The following AFAP1 variants were observed in gnomAD, a reference collection of about 807,000 sequenced individuals.
AFAP1 encodes the protein actin filament associated protein 1.
In AFAP1, 75 loss-of-function variants were observed where a neutral mutation model predicts 93.9. That is an observed-to-expected ratio of 0.80 (90% CI 0.66 to 0.97). The LOEUF is 0.97. AFAP1 is among the 50% of genes least tolerant of loss of function. The probability of loss-of-function intolerance (pLI) is 0.00; values close to 1 mark genes in which losing one functional copy is unlikely to be tolerated. For synonymous variants in AFAP1, 517 were observed against 430.7 expected (o/e 1.20, Z -2.48); for missense variants, 1,201 against 1,050.8 (o/e 1.14, Z -1.98).
At chr4:7,920,316 T>C in intron 1 of AFAP1, among the ~76,000 whole-genome samples, 1 of 152,224 alleles carries the variant, frequency 6.6e-6, no homozygotes, top group Non-Finnish European at 1.5e-5. Flanking sequence ...ATCATAAATA[T>C]ATTTATATAC....
intron 6 of AFAP1, among the ~76,000 whole-genome samples, chr4:7,821,177 T>C (rs1720942531): frequency 6.6e-6 from 1 of 152,194 alleles, no homozygotes; most frequent in South Asian, 2.1e-4. Context: ...GGAAAGTATT[T>C]AATCTCTCAG....
rs200920302 is a variant in AFAP1 at position 7,829,793 on chromosome 4, GGA to G, written c.726+8729_726+8730del. 3.7e-4 allele frequency among the ~76,000 whole-genome samples: 56 copies of G among 152,258 alleles called. 1 individual carries two copies. The East Asian group carries it at 9.1e-3, about 25-fold the overall frequency. ...GGAGGGAAAATTGGTAAACCTCCTA[GGA>G]GAGTGCCTTAGCTATACATCAAAAT... On this transcript the variant is annotated intron_variant, in intron 6 of 17. Coordinates refer to ENST00000420658, the MANE Select transcript of AFAP1 (RefSeq NM_001134647.2).
intron 6 of AFAP1, among the ~76,000 whole-genome samples, chr4:7,819,552 C>T (rs1720782649): frequency 6.6e-6 from 1 of 152,002 alleles, no homozygotes; most frequent in Non-Finnish European, 1.5e-5. Context: ...ATCAAGAGAC[C>T]AGGGGGCCTT....
chr4:7,924,415 C>G (rs773209608), intron 1 of AFAP1, among the ~76,000 whole-genome samples: 9 of 152,166 alleles, frequency 5.9e-5, no homozygotes, highest in Non-Finnish European at 1.2e-4. Context: ...GGACGATGAG[C>G]CAGCGGTGGA....
intron 3 of AFAP1, among the ~76,000 whole-genome samples, chr4:7,866,917 C>T (rs1456356238): frequency 1.3e-5 from 2 of 151,020 alleles, no homozygotes; most frequent in East Asian, 3.9e-4. Flanking sequence ...CTCACACCTG[C>T]AATCCCAGCT....
intron 3 of AFAP1, among the ~76,000 whole-genome samples, chr4:7,861,302 A>C (rs553071704): frequency 1.3e-5 from 2 of 152,322 alleles, no homozygotes; most frequent in East Asian, 1.9e-4. Context: ...GCCATCATCT[A>C]AACTTCCTGT....
chr4:7,799,144 G>A (rs950185713), intron 10 of AFAP1: 31 of 952,144 alleles, frequency 3.3e-5, no homozygotes, highest in South Asian at 4.8e-5. Context: ...AGCTTTGGCC[G>A]TGGTCAGGGT....
chr4:7,810,197 C>G (rs930472539), intron 8 of AFAP1, among the ~76,000 whole-genome samples: 3 of 152,194 alleles, frequency 2.0e-5, no homozygotes, highest in African/African-American at 4.8e-5. Context: ...GCACTTGCTA[C>G]GTGCTGGCTG....
chr4:7,928,142 C>T (rs1720871617), intron 1 of AFAP1, among the ~76,000 whole-genome samples: 2 of 152,294 alleles, frequency 1.3e-5, no homozygotes, highest in African/African-American at 4.8e-5. Flanking sequence ...GCAATGCATT[C>T]TTCAACCGGT....
intron 6 of AFAP1, among the ~76,000 whole-genome samples, chr4:7,825,260 A>C (rs1337628393): frequency 6.6e-6 from 1 of 151,980 alleles, no homozygotes; most frequent in Non-Finnish European, 1.5e-5. Flanking sequence ...ATGCTTCCCG[A>C]CTCTCACCCA....
intron 1 of AFAP1, among the ~76,000 whole-genome samples, chr4:7,884,499 G>C (rs1313551146): frequency 1.4e-5 from 2 of 139,138 alleles, no homozygotes; most frequent in Non-Finnish European, 3.4e-5. Context: ...AAAACCATTT[G>C]ATACTAACAT....
intron 1 of AFAP1, among the ~76,000 whole-genome samples, chr4:7,907,958 T>C (rs1052342507): frequency 6.6e-6 from 1 of 152,120 alleles, no homozygotes; most frequent in Non-Finnish European, 1.5e-5. Flanking sequence ...ACGCCTATAA[T>C]CCCAGAACTC....
intron 1 of AFAP1, among the ~76,000 whole-genome samples, chr4:7,878,885 C>G (rs1190006634): frequency 6.6e-6 from 1 of 152,112 alleles, no homozygotes; most frequent in East Asian, 1.9e-4. Context: ...AAATTTTGCT[C>G]CCGGTGGAAG....
intron 1 of AFAP1, among the ~76,000 whole-genome samples, chr4:7,873,212 C>T (rs1477628698): frequency 3.8e-5 from 5 of 130,676 alleles, no homozygotes; most frequent in Non-Finnish European, 1.6e-5. Context: ...CACTGCACTC[C>T]AGCCTGGGCG....
intron 12 of AFAP1, among the ~76,000 whole-genome samples, chr4:7,785,381 C>A (rs1275601713): frequency 6.6e-6 from 1 of 152,140 alleles, no homozygotes; most frequent in African/African-American, 2.4e-5. Flanking sequence ...GATGGATATA[C>A]AGATAGCGCT....
intron 6 of AFAP1, among the ~76,000 whole-genome samples, chr4:7,830,872 G>A (rs894497039): frequency 4.6e-5 from 7 of 152,116 alleles, no homozygotes; most frequent in African/African-American, 1.4e-4. Flanking sequence ...CCCTCCCAAA[G>A]CACTGGGATT....
chr4:7,765,351 C>A (rs1466674383), intron 17 of AFAP1, among the ~76,000 whole-genome samples: 1 of 152,180 alleles, frequency 6.6e-6, no homozygotes, highest in African/African-American at 2.4e-5. Flanking sequence ...TTCAGTGATT[C>A]CCCACCACCC....
rs1384587931 is a variant in AFAP1 at position 7,761,318 on chromosome 4, TTTG to T, written c.*2444_*2446del. The T allele has an allele frequency of 1.3e-5, 2 of 152,142 alleles. No individual in the cohort carries two copies. The highest frequency in any genetic ancestry group is 2.4e-5 in the African/African-American group (1 of 41,424). 9.4% of individuals were successfully genotyped at this position (152,142 alleles called of 1,614,324 possible). A position where few individuals can be genotyped will look rare whatever the true frequency, so the allele number is the denominator to read the frequency against. ...AAAGGCTCCATGGACCACGATGGGGTTTGTTAACGTTTGCCTCCGCTTTAAAAG... is the reference window on the plus strand; with the variant it reads ...AAAGGCTCCATGGACCACGATGGGGTTTAACGTTTGCCTCCGCTTTAAAAG... On this transcript the variant is annotated 3_prime_UTR_variant, in exon 18 of 18. Transcript: ENST00000420658.
rs184756550 is a variant in AFAP1 at position 7,855,407 on chromosome 4, C to A, written c.334+59G>T. ...CCTTCCTACCCAGAAAGGGGACAGG[C>A]TCTGCAACAGTCCTGCCAATCACAA... On this transcript the variant is annotated intron_variant, in intron 4 of 17. Coordinates refer to ENST00000420658, the MANE Select transcript of AFAP1 (RefSeq NM_001134647.2). The A allele has an allele frequency of 9.6e-4, 1,273 of 1,329,050 alleles. 1 individual carries two copies. Among genetic ancestry groups the A allele is most frequent in the Middle Eastern group, 1.2e-3 (6 of 5,034 alleles). 82.3% of individuals were successfully genotyped at this position (1,329,050 alleles called of 1,614,324 possible).
Sources: gnomAD v4.1 joint callset for allele counts (sites outside exome capture counted in the v4.1 genomes callset) on GRCh38, gnomAD v4.1.1 for gene constraint, MANE v1.5 for transcripts, NCBI Gene and HGNC (gene_info 2026-07-23, HGNC 2026-07-21) for gene names.